CACNG6: variants seen among roughly 807,000 people sequenced by gnomAD.
CACNG6 encodes the protein voltage-dependent calcium channel gamma-6 subunit.
In CACNG6, 21 loss-of-function variants were observed where a neutral mutation model predicts 23.9. The ratio of observed to expected loss-of-function variants is 0.88; its 90% CI spans 0.62 to 1.26. The LOEUF (loss-of-function observed/expected upper bound fraction) is 1.26, where lower values mean the gene tolerates loss of function less well. Among genes scored for constraint, CACNG6 ranks in the 50% most tolerant of loss-of-function variants. CACNG6 has a pLI of 0.00. For synonymous variants in CACNG6, 182 were observed against 168.9 expected (o/e 1.08, Z -0.60); for missense variants, 340 against 352.9 (o/e 0.96, Z 0.29).
chr19:54,007,205 C>T (rs550800379), intron 3 of CACNG6, among the ~76,000 whole-genome samples: 4 of 152,102 alleles, frequency 2.6e-5, no homozygotes, highest in African/African-American at 7.2e-5. Context: ...TGCACCACCA[C>T]GCCTGGCTAA....
chr19:54,010,597 T>G (rs1270465217), intron 3 of CACNG6, among the ~76,000 whole-genome samples: 1 of 152,154 alleles, frequency 6.6e-6, no homozygotes, highest in Non-Finnish European at 1.5e-5. Flanking sequence ...TTTTAAGAAT[T>G]GGGATCTTGC....
At chr19:54,008,414 G>A (rs530817045) in intron 3 of CACNG6, among the ~76,000 whole-genome samples, 1 of 152,130 alleles carries the variant, frequency 6.6e-6, no homozygotes, top group Non-Finnish European at 1.5e-5. Flanking sequence ...GGGCTGGGGC[G>A]CAGGGAGGAA....
rs1228639118 is a variant in CACNG6, at chr19:53,999,774, G to A, written c.544+3G>A. The A allele has an allele frequency of 6.2e-7, 1 of 1,613,502 alleles. No individual in the cohort carries two copies. The highest frequency in any genetic ancestry group is 8.5e-7 in the Non-Finnish European group (1 of 1,179,906). On this transcript the variant is annotated splice_donor_region_variant and intron_variant, in intron 3 of 3. Transcript: ENST00000252729. ...AGCCGTCTGCTTTGGCCTCTCAGGTGAGGGTTCAGAGCCTGGAGGCTGAGG... is the reference window on the plus strand; with the variant it reads ...AGCCGTCTGCTTTGGCCTCTCAGGTAAGGGTTCAGAGCCTGGAGGCTGAGG...
intron 3 of CACNG6, among the ~76,000 whole-genome samples, 188 bp from the exon 4 acceptor site, chr19:54,011,761 GTT>G (rs34372297): frequency 5.0e-5 from 7 of 140,308 alleles, no homozygotes; most frequent in East Asian, 4.2e-4. Context: ...TTTGTGTCTT[GTT>G]TTTTTTTTTC....
At chr19:54,000,520 A>G (rs2069564914) in intron 3 of CACNG6, among the ~76,000 whole-genome samples, 2 of 152,206 alleles carry the variant, frequency 1.3e-5, no homozygotes, top group African/African-American at 4.8e-5. Flanking sequence ...AGTTTATTGT[A>G]CTTCCAGTTC....
chr19:53,995,195 G>T (rs764146308), intron 1 of CACNG6, among the ~76,000 whole-genome samples: 42 of 152,016 alleles, frequency 2.8e-4, no homozygotes, highest in Non-Finnish European at 5.1e-4. Context: ...AAGGTCAAAG[G>T]TCCTGGGACA....
Position 54,012,267 on chromosome 19 carries a change from C to A in CACNG6, c.*78C>A. The stretch of plus-strand genomic sequence containing the variant: ...TTGTACCCCCAAGATCTTTTTGCCC[C>A]ATCTCCTAGAGAAACTGTGTTCTCC... On this transcript the variant is annotated 3_prime_UTR_variant, in exon 4 of 4. Transcript: ENST00000252729. The A allele has an allele frequency of 1.6e-6, 1 of 626,832 alleles. No homozygotes were observed. The highest frequency in any genetic ancestry group is 2.5e-6 in the Non-Finnish European group (1 of 395,324). 38.8% of individuals were successfully genotyped at this position (626,832 alleles called of 1,614,324 possible).
At chr19:54,005,367 C>T (rs968839479) in intron 3 of CACNG6, among the ~76,000 whole-genome samples, 11 of 151,168 alleles carry the variant, frequency 7.3e-5, no homozygotes, top group African/African-American at 2.7e-4. Flanking sequence ...CGAGACCAGC[C>T]TGGGCAACAT....
Position 54,011,190 on chromosome 19 carries a change from TAAAAAA to T in CACNG6, c.545-750_545-745del, listed in dbSNP as rs142489178. Among the ~76,000 whole-genome samples the T allele has an allele frequency of 1.3e-3, 75 of 59,218 alleles. 1 individual carries two copies. Among genetic ancestry groups the T allele is most frequent in the African/African-American group, 3.2e-3 (33 of 10,466 alleles). The allele number at this position is 59,218 out of a possible 152,430, so 38.8% of individuals were successfully genotyped here. On this transcript the variant is annotated intron_variant, in intron 3 of 3. Transcript: ENST00000252729. Reference sequence around the variant, plus strand: ...CAACATGGTGAAACCCCGTCTCTACTAAAAAAAAAAAAAAAATATATATATATATAT... The same window carrying T: ...CAACATGGTGAAACCCCGTCTCTACTAAAAAAAAAATATATATATATATAT...
chr19:54,012,050 A>G lies in CACNG6; in HGVS notation c.644A>G (p.Tyr215Cys), dbSNP rs369577894. Residue 215 changes from tyrosine to cysteine, a missense_variant, in exon 4 of 4, where the codon TAC (tyrosine) becomes TGC (cysteine). Physicochemically the swap from Tyr to Cys is radical, Grantham distance 194. Coordinates refer to ENST00000252729, the MANE Select transcript of CACNG6 (RefSeq NM_145814.2). ...CCTCCCCCGGCCCCACGCCTCACCT[A>G]CGAGTACTCCTGGTCCCTGGGCTGC... is the stretch of plus-strand genomic sequence containing the variant. The part of the protein sequence containing the change: ...PEPPPAPRLT[Y>C]EYSWSLGCGV... 8.7e-6 allele frequency: 14 copies of G among 1,606,748 alleles called. No individual in the cohort carries two copies. In the South Asian group the frequency reaches 1.3e-4, roughly 15 times the overall value.
At position 53,996,553 on chromosome 19, in the gene CACNG6, C is replaced by T. The variant is rs140925007; in HGVS notation, c.332-1686C>T. Among the ~76,000 whole-genome samples, 858 of 152,022 alleles carry T rather than the reference C, an allele frequency of 5.6e-3. 7 individuals carry two copies. Among genetic ancestry groups the T allele is most frequent in the African/African-American group, 0.02 (823 of 41,482 alleles). ...GATTACAGGCATGTGCCACCACTCCCGGCTAATTTTTGTACTTTTAGTAGA... is the reference window on the plus strand; with the variant it reads ...GATTACAGGCATGTGCCACCACTCCTGGCTAATTTTTGTACTTTTAGTAGA... On this transcript the variant is annotated intron_variant, in intron 1 of 3. Coordinates refer to ENST00000252729, the MANE Select transcript of CACNG6 (RefSeq NM_145814.2).
In CACNG6 at chr19:53,993,054, C is replaced by T. The variant is rs2069480584; in HGVS notation, c.177C>T (p.Thr59=). The T allele has an allele frequency of 2.6e-6, 4 of 1,510,332 alleles. No individual in the cohort carries two copies. Among genetic ancestry groups the T allele is most frequent in the Non-Finnish European group, 2.7e-6 (3 of 1,129,484 alleles). 93.6% of individuals were successfully genotyped at this position (1,510,332 alleles called of 1,614,324 possible). A position where few individuals can be genotyped will look rare whatever the true frequency, so the allele number is the denominator to read the frequency against. The change falls in exon 1 of 4, where the codon ACC becomes ACT. Residue 59 remains threonine (T), a synonymous_variant. Coordinates refer to ENST00000252729, the MANE Select transcript of CACNG6 (RefSeq NM_145814.2). The part of the protein sequence containing the change: ...GATLAVLSVG[T]EFWVELNTYK... ...CGCTGGCGGTGCTGTCCGTGGGCAC[C>T]GAGTTCTGGGTGGAGCTCAACACCT...
chr19:53,994,361 G>A (rs780432306), intron 1 of CACNG6, among the ~76,000 whole-genome samples: 5 of 152,042 alleles, frequency 3.3e-5, no homozygotes, highest in Middle Eastern at 3.2e-3. Flanking sequence ...CATTTTCTCC[G>A]AGAGACATTC....
chr19:54,002,267 G>GTTTTTT lies in CACNG6; in HGVS notation c.544+2498_544+2503dup, dbSNP rs138464456. ...TGCCGCCAAGCCCGGCTAATTTTCG[G>GTTTTTT]TTTTTTTGTTTTTTTTGTTTTTTTT... is the stretch of plus-strand genomic sequence containing the variant. On this transcript the variant is annotated intron_variant, in intron 3 of 3. Coordinates refer to ENST00000252729, the MANE Select transcript of CACNG6 (RefSeq NM_145814.2). Among the ~76,000 whole-genome samples, 183 of 131,920 alleles carry GTTTTTT rather than the reference G, an allele frequency of 1.4e-3. 15 individuals are homozygous for GTTTTTT. The highest frequency in any genetic ancestry group is 5.5e-3 in the African/African-American group (166 of 30,054). The allele number at this position is 131,920 out of a possible 152,430, so 86.5% of individuals were successfully genotyped here. A position where few individuals can be genotyped will look rare whatever the true frequency, so the allele number is the denominator to read the frequency against.
At chr19:53,999,594 A>C in intron 2 of CACNG6, 40 bp from the exon 3 acceptor site, 1 of 1,604,260 alleles carries the variant, frequency 6.2e-7, no homozygotes, top group African/African-American at 1.3e-5. Context: ...CATTCCCTAC[A>C]TCCCATGTTC....
chr19:53,999,105 A>T (rs1455178886), intron 2 of CACNG6, among the ~76,000 whole-genome samples: 2 of 151,522 alleles, frequency 1.3e-5, no homozygotes, highest in African/African-American at 4.9e-5. Flanking sequence ...ATCTCAAGTG[A>T]TCCACCCACC....
intron 3 of CACNG6, among the ~76,000 whole-genome samples, chr19:54,002,089 CT>C (rs111730295): frequency 1.9e-4 from 28 of 147,074 alleles, no homozygotes; most frequent in Non-Finnish European, 1.8e-4. Context: ...CTATCTCTCT[CT>C]TTTTTTTTTG....
At chr19:54,004,900 A>AAAATAAATAAATAAAT (rs57494617) in intron 3 of CACNG6, among the ~76,000 whole-genome samples, 11 of 151,480 alleles carry the variant, frequency 7.3e-5, no homozygotes, top group African/African-American at 2.7e-4. Flanking sequence ...GAAAATGTTA[A>AAAATAAATAAATAAAT]AAATAAATAA....
intron 3 of CACNG6, among the ~76,000 whole-genome samples, chr19:54,009,910 C>T (rs566400257): frequency 5.4e-5 from 8 of 148,648 alleles, no homozygotes; most frequent in Non-Finnish European, 1.2e-4. Flanking sequence ...GGTGTAAGAG[C>T]GAAACTCCGT....
Sources: allele counts gnomAD v4.1 joint callset (sites outside exome capture counted in the v4.1 genomes callset), GRCh38; gene constraint gnomAD v4.1.1; transcripts MANE v1.5; gene names NCBI Gene and HGNC (gene_info 2026-07-23, HGNC 2026-07-21).